Variants in PDGFRA observed in about 807,000 individuals in gnomAD.
The protein encoded by PDGFRA is platelet-derived growth factor receptor alpha.
Under a neutral mutation model 121.5 loss-of-function variants are expected in PDGFRA, and 25 were observed. That is an observed-to-expected ratio of 0.21 (90% CI 0.15 to 0.29). The LOEUF (loss-of-function observed/expected upper bound fraction) is 0.29, where lower values mean the gene tolerates loss of function less well. Ranked by LOEUF, PDGFRA falls within the 10% of genes least tolerant of loss-of-function variation. The pLI is 1.00. For synonymous variants in PDGFRA, 463 were observed against 494.8 expected (o/e 0.94, Z 0.85); for missense variants, 1,008 against 1,345.1 (o/e 0.75, Z 3.92).
In PDGFRA at chr4:54,278,512, G is replaced by A. The variant is rs367722824; in HGVS notation, c.2153G>A (p.Arg718Gln). The change falls in exon 15 of 23, where the codon CGG becomes CAG. Residue 718 changes from arginine to glutamine, a missense_variant. Physicochemically the swap from Arg to Gln is conservative, Grantham distance 43 (BLOSUM62 1). Transcript: ENST00000257290. ...FGLNPADEST[R>Q]SYVILSFENN... ...TTGAACCCTGCTGATGAAAGCACACGGAGGTGGGTGCAAAGAGAGATGTTG... is the reference window on the plus strand; with the variant it reads ...TTGAACCCTGCTGATGAAAGCACACAGAGGTGGGTGCAAAGAGAGATGTTG... The A allele has an allele frequency of 1.5e-5, 24 of 1,613,788 alleles. No homozygotes were observed. Among genetic ancestry groups the A allele is most frequent in the Middle Eastern group, 1.6e-4 (1 of 6,080 alleles).
intron 1 of PDGFRA, among the ~76,000 whole-genome samples, chr4:54,253,816 C>T (rs867188716): frequency 3.9e-5 from 6 of 152,222 alleles, no homozygotes; most frequent in African/African-American, 9.6e-5. Context: ...TTTCCAGTAG[C>T]TGGAACTACA....
chr4:54,253,013 T>A (rs1450855475), intron 1 of PDGFRA, among the ~76,000 whole-genome samples: 1 of 151,416 alleles, frequency 6.6e-6, no homozygotes, highest in African/African-American at 2.4e-5. Flanking sequence ...GTTTCTCTGT[T>A]TCTGTGACTG....
intron 1 of PDGFRA, among the ~76,000 whole-genome samples, chr4:54,244,973 G>A (rs1254023656): frequency 1.3e-5 from 2 of 152,072 alleles, no homozygotes; most frequent in South Asian, 4.1e-4. Flanking sequence ...TATCAGTGAT[G>A]GAAGATGAAA....
intron 19 of PDGFRA, among the ~76,000 whole-genome samples, chr4:54,288,250 T>A (rs1724450669): frequency 6.6e-6 from 1 of 152,146 alleles, no homozygotes; most frequent in South Asian, 2.1e-4. Context: ...GTGTGAAATG[T>A]TTCATGAATT....
chr4:54,285,224 T>C (rs1724278703), intron 16 of PDGFRA, 147 bp from the exon 17 acceptor site: 1 of 657,422 alleles, frequency 1.5e-6, no homozygotes, highest in Non-Finnish European at 2.7e-6. Flanking sequence ...GATAGAATCT[T>C]TGCATAGTGA....
At chr4:54,258,731 T>A in intron 1 of PDGFRA, 26 bp from the exon 2 acceptor site, 1 of 1,485,828 alleles carries the variant, frequency 6.7e-7, no homozygotes, top group South Asian at 1.1e-5. Flanking sequence ...GCTAATGCTG[T>A]TTCTGTTGAC....
intron 14 of PDGFRA, 116 bp from the exon 15 acceptor site, chr4:54,278,246 A>AC (rs1560483505): frequency 9.0e-6 from 5 of 557,496 alleles, no homozygotes; most frequent in Admixed American, 7.1e-5. Context: ...AAAAAAAAAA[A>AC]AAAAAAACTT....
intron 3 of PDGFRA, among the ~76,000 whole-genome samples, chr4:54,261,917 A>G (rs187489907): frequency 1.6e-5 from 1 of 62,984 alleles, no homozygotes. Flanking sequence ...ATATATATAT[A>G]TATATATATA....
chr4:54,258,858 C>G (rs2110235590), intron 2 of PDGFRA, 41 bp downstream of exon 2: 2 of 1,565,950 alleles, frequency 1.3e-6, no homozygotes, highest in Non-Finnish European at 1.8e-6. Flanking sequence ...GTTTGGGTGT[C>G]TTGTTTTTTT....
At chr4:54,260,960 G>A in intron 2 of PDGFRA, 135 bp from the exon 3 acceptor site, 1 of 742,310 alleles carries the variant, frequency 1.3e-6, no homozygotes, top group Non-Finnish European at 2.3e-6. Context: ...GAGCTTTCAT[G>A]GGCATCCAGG....
Position 54,295,151 on chromosome 4 carries a change from T to C in PDGFRA, c.3149T>C (p.Ile1050Thr), listed in dbSNP as rs1724816247. ...HSSQTSEESAIETGSSSSTFI... is the reference protein window; with the variant it reads ...HSSQTSEESATETGSSSSTFI... ...TCGCAGACCTCTGAAGAGAGTGCCA[T>C]TGAGACGGGTTCCAGCAGTTCCACC... The change falls in exon 23 of 23, where the codon ATT becomes ACT. Residue 1050 changes from isoleucine (I) to threonine (T), a missense_variant. Physicochemically the swap from Ile to Thr is moderately conservative, Grantham distance 89. Coordinates refer to ENST00000257290, the MANE Select transcript of PDGFRA (RefSeq NM_006206.6). 6.2e-7 allele frequency: 1 copy of C among 1,614,104 alleles called. No homozygotes were observed. Among genetic ancestry groups the C allele is most frequent in the Non-Finnish European group, 8.5e-7 (1 of 1,179,992 alleles).
At chr4:54,285,651 CA>C (rs1395899854) in intron 17 of PDGFRA, among the ~76,000 whole-genome samples, 165 bp downstream of exon 17, 1 of 152,178 alleles carries the variant, frequency 6.6e-6, no homozygotes, top group African/African-American at 2.4e-5. Flanking sequence ...CTGAAATCAT[CA>C]GGCATCTACT....
chr4:54,232,986 C>A (rs939489572), intron 1 of PDGFRA, among the ~76,000 whole-genome samples: 19 of 152,184 alleles, frequency 1.2e-4, no homozygotes, highest in Non-Finnish European at 2.1e-4. Context: ...CCATAGGAGG[C>A]GCTGGCGAGC....
At chr4:54,261,920 TA>T (rs1722749988) in intron 3 of PDGFRA, among the ~76,000 whole-genome samples, 1 of 69,510 alleles carries the variant, frequency 1.4e-5, no homozygotes, top group East Asian at 4.6e-4. Context: ...TATATATATA[TA>T]TATATATATA....
intron 7 of PDGFRA, among the ~76,000 whole-genome samples, chr4:54,270,122 C>T (rs989522260): frequency 5.9e-5 from 9 of 152,110 alleles, no homozygotes; most frequent in African/African-American, 2.2e-4. Flanking sequence ...ATGAAACCTT[C>T]CAGAGTTTCT....
chr4:54,289,627 GA>G (rs1300894989), intron 21 of PDGFRA, among the ~76,000 whole-genome samples: 1 of 152,206 alleles, frequency 6.6e-6, no homozygotes, highest in Non-Finnish European at 1.5e-5. Context: ...GGAAAACTCA[GA>G]CATAACCTCA....
In PDGFRA at chr4:54,289,857, G is replaced by C. The variant is rs1285906973; in HGVS notation, c.2881-456G>C. Among the ~76,000 whole-genome samples the C allele has an allele frequency of 2.6e-5, 4 of 152,226 alleles. No homozygotes were observed. In the East Asian group the frequency reaches 5.8e-4, roughly 22 times the overall value. On this transcript the variant is annotated intron_variant, in intron 21 of 22. Transcript: ENST00000257290. ...CAGTTGGTCAAAGATGCTCTGACTG[G>C]TGGAAATGTGTTGGTGGGAAGAGAT...
In PDGFRA at chr4:54,288,821, G is replaced by A. The variant is rs2110344479; in HGVS notation, c.2697G>A (p.Met899Ile). The A allele has an allele frequency of 6.2e-7, 1 of 1,612,820 alleles. No individual in the cohort carries two copies. Among genetic ancestry groups the A allele is most frequent in the Non-Finnish European group, 8.5e-7 (1 of 1,178,740 alleles). ...TAGGTGGCACCCCTTACCCCGGCAT[G>A]ATGGTGGATTCTACTTTCTACAATA... ...FSLGGTPYPG[M>I]MVDSTFYNKI... Residue 899 changes from methionine to isoleucine, a missense_variant, in exon 20 of 23, where the codon ATG (methionine) becomes ATA (isoleucine). Around this residue, in one of 5 missense-constraint regions of PDGFRA, gnomAD observed 204 missense variants for 243.0 expected, o/e 0.84. Transcript: ENST00000257290.
intron 1 of PDGFRA, among the ~76,000 whole-genome samples, chr4:54,240,859 C>T (rs185594891): frequency 2.6e-4 from 39 of 152,254 alleles, no homozygotes; most frequent in African/African-American, 7.9e-4. Context: ...TAAAATAGTG[C>T]GTTTGCGTTC....
Sources: gnomAD v4.1 joint callset for allele counts (sites outside exome capture counted in the v4.1 genomes callset) on GRCh38, gnomAD v4.1.1 for gene constraint, gnomAD v4.1.1 regional missense constraint, MANE v1.5 for transcripts, NCBI Gene and HGNC (gene_info 2026-07-23, HGNC 2026-07-21) for gene names.